The following GPC5 variants were observed in gnomAD, a reference collection of about 807,000 sequenced individuals.
The protein encoded by GPC5 is glypican-5.
A neutral mutation model predicts 53.9 loss-of-function variants in GPC5; 47 were observed. The observed-to-expected ratio is 0.87, with a 90% confidence interval of 0.69 to 1.11. The LOEUF (loss-of-function observed/expected upper bound fraction) is 1.11. GPC5 is among the 50% of genes most tolerant of loss of function. The probability of loss-of-function intolerance (pLI) is 0.00; values close to 1 mark genes in which losing one functional copy is unlikely to be tolerated. For synonymous variants in GPC5, 286 were observed against 263.3 expected, an observed-to-expected ratio of 1.09 and a Z score of -0.84; for missense variants, 748 against 713.1, an observed-to-expected ratio of 1.05 and a Z score of -0.56.
At chr13:91,498,235 A>G (rs1187966836) in intron 2 of GPC5, among the ~76,000 whole-genome samples, 1 of 124,406 alleles carries the variant, frequency 8.0e-6, no homozygotes, top group Non-Finnish European at 1.6e-5. Context: ...ATCTCTACCC[A>G]AAGATTTTTT....
intron 7 of GPC5, among the ~76,000 whole-genome samples, chr13:92,643,445 T>C (rs1239153834): frequency 6.8e-6 from 1 of 147,414 alleles, no homozygotes; most frequent in Non-Finnish European, 1.5e-5. Flanking sequence ...TATTGCGGCA[T>C]TATTCACAAT....
rs1876669611 is a variant in GPC5, at chr13:91,398,754, C to T, written c.-293C>T. The stretch of plus-strand genomic sequence containing the variant: ...GGCCAGAGCGGATGCTTGCGGGCTC[C>T]CTGCGGCTCCACTAGTTTTCTTCGC... On this transcript the variant is annotated 5_prime_UTR_variant, in exon 1 of 8. Transcript: ENST00000377067. The T allele has an allele frequency of 8.1e-6, 3 of 370,054 alleles. No homozygotes were observed. In the South Asian group the frequency reaches 1.8e-4, roughly 23 times the overall value. The allele number at this position is 370,054 out of a possible 1,614,324, so 22.9% of individuals were successfully genotyped here. A position where few individuals can be genotyped will look rare whatever the true frequency, so the allele number is the denominator to read the frequency against.
At position 91,398,668 on chromosome 13, in the gene GPC5, CGGCGGCGGCAGT is replaced by C. The variant is rs1876651634; in HGVS notation, c.-372_-361del. The C allele has an allele frequency of 7.6e-4, 72 of 94,540 alleles. No individual in the cohort carries two copies. The highest frequency in any genetic ancestry group is 2.2e-3 in the South Asian group (8 of 3,596). The allele number at this position is 94,540 out of a possible 1,614,324, so 5.9% of individuals were successfully genotyped here. On this transcript the variant is annotated 5_prime_UTR_variant, in exon 1 of 8. Transcript: ENST00000377067. ...CCGAGCCGGGCGGCGGAGGCGGCGGCGGCGGCGGCAGTGGCGGCAGTGGCGGCAGTGGCGGCA... is the reference window on the plus strand; with the variant it reads ...CCGAGCCGGGCGGCGGAGGCGGCGGCGGCGGCAGTGGCGGCAGTGGCGGCA...
intron 7 of GPC5, among the ~76,000 whole-genome samples, chr13:92,297,638 A>G (rs2043046136): frequency 6.6e-6 from 1 of 152,122 alleles, no homozygotes; most frequent in African/African-American, 2.4e-5. Flanking sequence ...GGGGACTTGG[A>G]GAAGCTTTGT....
intron 7 of GPC5, among the ~76,000 whole-genome samples, chr13:92,437,996 G>T (rs1165509668): frequency 6.6e-6 from 1 of 151,948 alleles, no homozygotes; most frequent in Non-Finnish European, 1.5e-5. Context: ...GATTTTAATT[G>T]CATATATACC....
chr13:92,014,576 T>G (rs1046889044), intron 6 of GPC5, among the ~76,000 whole-genome samples: 6 of 152,160 alleles, frequency 3.9e-5, no homozygotes, highest in Admixed American at 3.9e-4. Flanking sequence ...GGGTTTTCTT[T>G]TTTTGGTGTT....
intron 5 of GPC5, among the ~76,000 whole-genome samples, chr13:91,866,942 G>A (rs1029407198): frequency 7.2e-5 from 11 of 152,048 alleles, no homozygotes; most frequent in Admixed American, 2.0e-4. Flanking sequence ...ATGTGGGGAC[G>A]TGGTGGCTCA....
chr13:92,392,458 C>T (rs1039114460), intron 7 of GPC5, among the ~76,000 whole-genome samples: 16 of 152,170 alleles, frequency 1.1e-4, no homozygotes, highest in African/African-American at 3.9e-4. Context: ...CCCTAGAAGA[C>T]AACCTAAGCA....
At chr13:91,610,551 CAGT>C (rs1054575024) in intron 2 of GPC5, among the ~76,000 whole-genome samples, 2 of 152,182 alleles carry the variant, frequency 1.3e-5, no homozygotes, top group Non-Finnish European at 2.9e-5. Flanking sequence ...AGGAATTCAT[CAGT>C]GTGTCTCACT....
chr13:91,844,372 G>A (rs1001386225), intron 5 of GPC5, among the ~76,000 whole-genome samples: 4 of 152,100 alleles, frequency 2.6e-5, no homozygotes, highest in Admixed American at 6.6e-5. Flanking sequence ...TGCTCTCTGC[G>A]GAAACTTCTA....
At chr13:92,037,886 C>T (rs1018271512) in intron 6 of GPC5, among the ~76,000 whole-genome samples, 6 of 152,094 alleles carry the variant, frequency 3.9e-5, no homozygotes, top group African/African-American at 1.4e-4. Flanking sequence ...TGGGCAGATA[C>T]TAGAAGATTT....
intron 7 of GPC5, among the ~76,000 whole-genome samples, chr13:92,655,081 C>A (rs1296829419): frequency 6.6e-6 from 1 of 152,092 alleles, no homozygotes; most frequent in African/African-American, 2.4e-5. Flanking sequence ...TCCCTCAGAG[C>A]CTTCAGAAGG....
chr13:92,623,847 T>A (rs1273159757), intron 7 of GPC5, among the ~76,000 whole-genome samples: 2 of 136,906 alleles, frequency 1.5e-5, no homozygotes, highest in African/African-American at 4.9e-5. Context: ...ACTGATAGTG[T>A]CTATTTATTT....
chr13:92,291,177 C>T (rs1001006337), intron 7 of GPC5, among the ~76,000 whole-genome samples: 8 of 152,290 alleles, frequency 5.3e-5, no homozygotes, highest in Non-Finnish European at 7.4e-5. Context: ...GGAGCGCCAC[C>T]CCCTGCTCCA....
At chr13:91,460,383 C>T (rs1427742169) in intron 2 of GPC5, among the ~76,000 whole-genome samples, 1 of 151,852 alleles carries the variant, frequency 6.6e-6, no homozygotes, top group Non-Finnish European at 1.5e-5. Flanking sequence ...CTGCAACCTC[C>T]ACTTCCTGGG....
intron 6 of GPC5, among the ~76,000 whole-genome samples, chr13:91,951,025 C>G (rs2040021433): frequency 6.6e-6 from 1 of 152,122 alleles, no homozygotes; most frequent in African/African-American, 2.4e-5. Context: ...AGGGTGTGTA[C>G]TGATCACATT....
chr13:92,276,994 CTCTT>C (rs2042880245), intron 7 of GPC5, among the ~76,000 whole-genome samples: 1 of 150,410 alleles, frequency 6.6e-6, no homozygotes, highest in Non-Finnish European at 1.5e-5. Flanking sequence ...TAGTCTCTCT[CTCTT>C]TTTTTTTCTT....
chr13:92,828,974 A>C (rs1204876796), intron 7 of GPC5, among the ~76,000 whole-genome samples: 1 of 152,174 alleles, frequency 6.6e-6, no homozygotes, highest in African/African-American at 2.4e-5. Flanking sequence ...ATGTAACACA[A>C]TTGCACTTGT....
intron 2 of GPC5, among the ~76,000 whole-genome samples, chr13:91,662,349 T>A (rs74324931): frequency 2.6e-5 from 4 of 152,204 alleles, no homozygotes; most frequent in African/African-American, 9.7e-5. Flanking sequence ...ATTCACCAAC[T>A]GATTTGGCAA....
Sources: gnomAD v4.1 joint callset for allele counts (sites outside exome capture counted in the v4.1 genomes callset) on GRCh38, gnomAD v4.1.1 for gene constraint, MANE v1.5 for transcripts, NCBI Gene and HGNC (gene_info 2026-07-23, HGNC 2026-07-21) for gene names.